The following RABGAP1 variants were observed in gnomAD, a reference collection of about 807,000 sequenced individuals.
RABGAP1 encodes the protein rab GTPase-activating protein 1.
A neutral mutation model predicts 137.6 loss-of-function variants in RABGAP1; 23 were observed. The ratio of observed to expected loss-of-function variants is 0.17; its 90% CI spans 0.12 to 0.24. The LOEUF is 0.24. Ranked by LOEUF, RABGAP1 falls within the 10% of genes least tolerant of loss-of-function variation. The probability of loss-of-function intolerance (pLI) is 1.00; values close to 1 mark genes in which losing one functional copy is unlikely to be tolerated. For synonymous variants in RABGAP1, 451 were observed against 450.7 expected, an observed-to-expected ratio of 1.00 and a Z score of -0.01; for missense variants, 906 against 1,275.8, an observed-to-expected ratio of 0.71 and a Z score of 4.42.
intron 19 of RABGAP1, among the ~76,000 whole-genome samples, chr9:123,079,562 T>C (rs1460367924): frequency 6.6e-6 from 1 of 152,148 alleles, no homozygotes; most frequent in Non-Finnish European, 1.5e-5. Flanking sequence ...TAAATTTTTG[T>C]TGTTGTGATG....
chr9:122,943,072 C>CTTTTTTT lies in RABGAP1; in HGVS notation c.-50+2002_-50+2008dup, dbSNP rs10582436. Among the ~76,000 whole-genome samples, 38 of 116,160 alleles carry CTTTTTTT rather than the reference C, an allele frequency of 3.3e-4. 3 individuals are homozygous for CTTTTTTT. The highest frequency in any genetic ancestry group is 1.6e-3 in the African/African-American group (38 of 23,644). 76.2% of individuals were successfully genotyped at this position (116,160 alleles called of 152,430 possible). On this transcript the variant is annotated intron_variant, in intron 1 of 25. Coordinates refer to ENST00000373647, the MANE Select transcript of RABGAP1 (RefSeq NM_012197.4). The stretch of plus-strand genomic sequence containing the variant: ...ATATAGTCATGTTGTGGTGCACTTT[C>CTTTTTTT]TTTTTTTTTTTTTTTTTTTTTTTTT...
rs192246237 is a variant in RABGAP1, at chr9:122,991,234, A to G, written c.923+1021A>G. 6.2e-4 allele frequency among the ~76,000 whole-genome samples: 95 copies of G among 152,022 alleles called. 2 individuals are homozygous for G. The highest frequency in any genetic ancestry group is 2.9e-3 in the Admixed American group (44 of 15,268). ...TGGCTAGACTCTAAAACCCTTTCTCACTTTAAAATTTTATGGTTGCAAGAT... is the reference window on the plus strand; with the variant it reads ...TGGCTAGACTCTAAAACCCTTTCTCGCTTTAAAATTTTATGGTTGCAAGAT... On this transcript the variant is annotated intron_variant, in intron 6 of 25. Transcript: ENST00000373647.
At chr9:123,077,437 C>A (rs1188971909) in intron 19 of RABGAP1, among the ~76,000 whole-genome samples, 1 of 152,122 alleles carries the variant, frequency 6.6e-6, no homozygotes, top group African/African-American at 2.4e-5. Flanking sequence ...CAGGAGTGAG[C>A]CACCACGCCT....
upstream of RABGAP1, chr9:122,939,155 T>C (rs1287994454): frequency 4.6e-5 from 7 of 151,994 alleles, no homozygotes; most frequent in South Asian, 2.1e-4. Flanking sequence ...TTTAGATGGA[T>C]AGAAAATGTG....
intron 19 of RABGAP1, among the ~76,000 whole-genome samples, chr9:123,082,955 C>T (rs530865003): frequency 6.6e-6 from 1 of 152,324 alleles, no homozygotes; most frequent in East Asian, 1.9e-4. Context: ...TAGATTTAAG[C>T]TCTCTGAGGG....
At chr9:123,065,279 T>A (rs2034133059) in intron 13 of RABGAP1, 69 bp from the exon 14 acceptor site, 1 of 1,116,066 alleles carries the variant, frequency 9.0e-7, no homozygotes, top group Non-Finnish European at 1.3e-6. Flanking sequence ...GAGAAGACCT[T>A]GCCTAAACCT....
chr9:123,017,246 A>G (rs1005215698), intron 12 of RABGAP1, among the ~76,000 whole-genome samples: 1 of 152,234 alleles, frequency 6.6e-6, no homozygotes, highest in Non-Finnish European at 1.5e-5. Flanking sequence ...TCATGTAGAT[A>G]TAGCATTAAG....
intron 1 of RABGAP1, among the ~76,000 whole-genome samples, chr9:122,954,915 G>A (rs1834429236): frequency 6.6e-6 from 1 of 152,168 alleles, no homozygotes; most frequent in South Asian, 2.1e-4. Flanking sequence ...AAATAGAGAT[G>A]TGACAAATTA....
At chr9:122,942,421 C>G (rs1466424576) in intron 1 of RABGAP1, among the ~76,000 whole-genome samples, 1 of 152,062 alleles carries the variant, frequency 6.6e-6, no homozygotes, top group Non-Finnish European at 1.5e-5. Context: ...GCCTGTGATC[C>G]AGCATTTTAG....
At chr9:123,030,830 A>G (rs1216350916) in intron 13 of RABGAP1, among the ~76,000 whole-genome samples, 2 of 152,234 alleles carry the variant, frequency 1.3e-5, no homozygotes, top group African/African-American at 4.8e-5. Context: ...CTGTAAGGAT[A>G]CAAATTTATA....
At chr9:122,939,365 T>A (rs1833450233), upstream of RABGAP1, 2 of 152,062 alleles carry the variant, frequency 1.3e-5, no homozygotes, top group Admixed American at 1.3e-4. Flanking sequence ...AGAGACACGG[T>A]CTCACTATGT....
At chr9:123,101,924 G>A (rs1351410434) in intron 25 of RABGAP1, among the ~76,000 whole-genome samples, 161 bp downstream of exon 25, 2 of 152,170 alleles carry the variant, frequency 1.3e-5, no homozygotes, top group Non-Finnish European at 2.9e-5. Context: ...CTGGCCAGTG[G>A]ATGTCTCATC....
At chr9:123,014,283 AC>A (rs2031050141) in intron 11 of RABGAP1, among the ~76,000 whole-genome samples, 1 of 152,146 alleles carries the variant, frequency 6.6e-6, no homozygotes, top group South Asian at 2.1e-4. Context: ...CTAACTTCTG[AC>A]TTGAATTTAC....
At chr9:123,019,993 A>G (rs1005486853) in intron 12 of RABGAP1, among the ~76,000 whole-genome samples, 1 of 150,790 alleles carries the variant, frequency 6.6e-6, no homozygotes, top group African/African-American at 2.4e-5. Context: ...CATCTTTTTT[A>G]TATAAACCAT....
At position 123,098,806 on chromosome 9, in the gene RABGAP1, C is replaced by T; in HGVS notation, c.2817+8C>T. The stretch of plus-strand genomic sequence containing the variant: ...ATTGGTGACTATAAGCAGGTAGGTT[C>T]CAGTACCCTGGGATTGGGCTGTGTA... On this transcript the variant is annotated splice_region_variant and intron_variant, in intron 23 of 25. Coordinates refer to ENST00000373647, the MANE Select transcript of RABGAP1 (RefSeq NM_012197.4). 1.2e-6 allele frequency: 2 copies of T among 1,609,244 alleles called. No homozygotes were observed. Among genetic ancestry groups the T allele is most frequent in the Non-Finnish European group, 1.7e-6 (2 of 1,176,204 alleles).
Position 123,101,814 on chromosome 9 carries a change from T to G in RABGAP1, c.3087+51T>G, listed in dbSNP as rs7873689. 38,720 of 1,496,838 alleles carry G rather than the reference T, an allele frequency of 0.026. 7,668 individuals are homozygous for G. The African/African-American group carries it at 0.46, about 18-fold the overall frequency. 92.7% of individuals were successfully genotyped at this position (1,496,838 alleles called of 1,614,324 possible). A position where few individuals can be genotyped will look rare whatever the true frequency, so the allele number is the denominator to read the frequency against. Reference sequence around the variant, plus strand: ...TGCCTGCGGGCTGGGTTTCCTGATGTGCACTAGAGACCCCAGAAATTATCT... The same window carrying G: ...TGCCTGCGGGCTGGGTTTCCTGATGGGCACTAGAGACCCCAGAAATTATCT... On this transcript the variant is annotated intron_variant, in intron 25 of 25. Coordinates refer to ENST00000373647, the MANE Select transcript of RABGAP1 (RefSeq NM_012197.4).
chr9:122,971,171 T>G (rs569978886), intron 2 of RABGAP1, among the ~76,000 whole-genome samples: 1 of 152,308 alleles, frequency 6.6e-6, no homozygotes, highest in South Asian at 2.1e-4. Flanking sequence ...TACCTGTACT[T>G]CACAGGAAAG....
chr9:123,076,661 G>C lies in RABGAP1; in HGVS notation c.2323G>C (p.Asp775His). The C allele has an allele frequency of 1.2e-6, 2 of 1,603,018 alleles. No homozygotes were observed. The highest frequency in any genetic ancestry group is 1.7e-6 in the Non-Finnish European group (2 of 1,175,152). Residue 775 changes from aspartate to histidine, a missense_variant, in exon 19 of 26, where the codon GAC becomes CAC. Around this residue, in one of 9 missense-constraint regions of RABGAP1, gnomAD observed 77 missense variants for 105.6 expected, o/e 0.73. Transcript: ENST00000373647. Reference protein sequence around the residue: ...KTSKDDLLLTDFEGALKFFRV... With the variant: ...KTSKDDLLLTHFEGALKFFRV... The stretch of plus-strand genomic sequence containing the variant: ...TTCGAAAGATGACCTGCTGTTGACA[G>C]ACTTTGAAGGTGCCTTGAAGTTCTT...
rs377159401 is a variant in RABGAP1 at position 122,990,096 on chromosome 9, G to A, written c.806G>A (p.Arg269His). ...TACAGTTTTGCCACTGCCTTCCGCC[G>A]TTCTGCCAAGCAGACCCCACTTTCA... Reference protein sequence around the residue: ...ILYSFATAFRRSAKQTPLSAT... With the variant: ...ILYSFATAFRHSAKQTPLSAT... Residue 269 changes from arginine (R) to histidine (H), a missense_variant, in exon 6 of 26, where the codon CGT (arginine) becomes CAT (histidine). Around this residue, in one of 9 missense-constraint regions of RABGAP1, gnomAD observed 331 missense variants for 358.3 expected, o/e 0.92. Coordinates refer to ENST00000373647, the MANE Select transcript of RABGAP1 (RefSeq NM_012197.4). The A allele has an allele frequency of 5.6e-6, 9 of 1,610,518 alleles. No individual in the cohort carries two copies. Among genetic ancestry groups the A allele is most frequent in the Admixed American group, 3.3e-5 (2 of 59,916 alleles).
Sources: allele counts gnomAD v4.1 joint callset (sites outside exome capture counted in the v4.1 genomes callset), GRCh38; gene constraint gnomAD v4.1.1; regional missense constraint gnomAD v4.1.1; transcripts MANE v1.5; gene names NCBI Gene and HGNC (gene_info 2026-07-23, HGNC 2026-07-21).